NAV2: variants seen among roughly 807,000 people sequenced by gnomAD.
NAV2 encodes neuron navigator 2.
NAV2 carries 54 observed loss-of-function variants against 223.2 expected under a neutral mutation model. That is an observed-to-expected ratio of 0.24 (90% confidence interval 0.19 to 0.30). The LOEUF is 0.30. NAV2 is among the 10% of genes least tolerant of loss of function. The probability of loss-of-function intolerance (pLI) is 1.00; values close to 1 mark genes in which losing one functional copy is unlikely to be tolerated. For synonymous variants in NAV2, 1,279 were observed against 1,239.3 expected, an observed-to-expected ratio of 1.03 and a Z score of -0.67; for missense variants, 2,806 against 3,147.5, an observed-to-expected ratio of 0.89 and a Z score of 2.60.
chr11:20,065,078 G>A (rs1264585229), intron 20 of NAV2, among the ~76,000 whole-genome samples: 4 of 152,208 alleles, frequency 2.6e-5, no homozygotes, highest in African/African-American at 9.6e-5. Context: ...TGCTGGTGCT[G>A]TCTACTAATT....
At chr11:20,048,590 C>T (rs1443654413) in intron 14 of NAV2, 138 bp from the exon 15 acceptor site, 6 of 706,004 alleles carry the variant, frequency 8.5e-6, no homozygotes, top group South Asian at 1.8e-5. Flanking sequence ...CCTGAAGTAC[C>T]GTTAGCCATT....
chr11:19,815,968 G>A (rs1382955457), intron 1 of NAV2, among the ~76,000 whole-genome samples: 2 of 152,182 alleles, frequency 1.3e-5, no homozygotes, highest in South Asian at 4.1e-4. Flanking sequence ...TAGTATCTTT[G>A]TGCAAATTGT....
At chr11:19,630,990 C>T (rs1223687696) in intron 1 of NAV2, among the ~76,000 whole-genome samples, 4 of 143,542 alleles carry the variant, frequency 2.8e-5, no homozygotes, top group Admixed American at 6.9e-5. Context: ...TGGTAAAACA[C>T]CAGTTTAAAA....
At chr11:19,579,794 T>C (rs1298909123) in intron 1 of NAV2, among the ~76,000 whole-genome samples, 1 of 152,180 alleles carries the variant, frequency 6.6e-6, no homozygotes, top group Non-Finnish European at 1.5e-5. Flanking sequence ...GGAATTCTCA[T>C]GGGAATGATT....
chr11:19,421,212 C>T (rs1477594045), intron 1 of NAV2, among the ~76,000 whole-genome samples: 1 of 152,214 alleles, frequency 6.6e-6, no homozygotes, highest in East Asian at 1.9e-4. Context: ...GGAAGCCATG[C>T]TTCCCTGGGT....
At chr11:19,647,735 T>C (rs1009542823) in intron 1 of NAV2, among the ~76,000 whole-genome samples, 3 of 152,184 alleles carry the variant, frequency 2.0e-5, no homozygotes, top group African/African-American at 7.2e-5. Context: ...AGTCAAGGCT[T>C]CTGACCCACA....
intron 1 of NAV2, among the ~76,000 whole-genome samples, chr11:19,662,606 C>T (rs16937090): frequency 0.06 from 9,103 of 152,324 alleles, 449 homozygotes; most frequent in African/African-American, 0.13. Context: ...GACAGTGTGG[C>T]CCTCAGTTGT....
chr11:19,888,349 G>A (rs750673292), intron 5 of NAV2, among the ~76,000 whole-genome samples: 15 of 152,094 alleles, frequency 9.9e-5, no homozygotes, highest in South Asian at 2.1e-4. Context: ...GGCCCAGTAG[G>A]CAGCATCCGT....
intron 1 of NAV2, among the ~76,000 whole-genome samples, chr11:19,609,864 T>C (rs918630748): frequency 2.0e-5 from 3 of 152,242 alleles, no homozygotes; most frequent in Non-Finnish European, 4.4e-5. Context: ...AGACTGGACC[T>C]CTGTTTAAGT....
chr11:19,860,238 G>A (rs1488876097), intron 3 of NAV2, among the ~76,000 whole-genome samples: 3 of 147,344 alleles, frequency 2.0e-5, no homozygotes, highest in African/African-American at 7.6e-5. Flanking sequence ...CCCAGACGGG[G>A]TGGCTGCCGG....
chr11:19,901,704 T>A (rs571897216), intron 6 of NAV2, among the ~76,000 whole-genome samples: 1 of 152,344 alleles, frequency 6.6e-6, no homozygotes, highest in East Asian at 1.9e-4. Flanking sequence ...CATTTTGTCA[T>A]ATACATATTG....
In NAV2 at chr11:19,523,684, C is replaced by T. The variant is rs193041448; in HGVS notation, c.75+172657C>T. Among the ~76,000 whole-genome samples the T allele has an allele frequency of 9.6e-4, 146 of 152,344 alleles. No individual in the cohort carries two copies. The Middle Eastern group carries it at 0.014, about 14-fold the overall frequency. On this transcript the variant is annotated intron_variant, in intron 1 of 37. Transcript: ENST00000360655. ...CAAGGGCCCCCACATTGACTTAATG[C>T]CATCGTTTGCACATTGCAAGAGCTT...
chr11:19,881,910 G>A (rs1239267168), intron 5 of NAV2, among the ~76,000 whole-genome samples: 2 of 152,190 alleles, frequency 1.3e-5, no homozygotes, highest in Non-Finnish European at 2.9e-5. Context: ...AGTAGGGGAG[G>A]AGAGGGATCA....
At chr11:19,856,639 G>A (rs960180165) in intron 3 of NAV2, among the ~76,000 whole-genome samples, 2 of 152,186 alleles carry the variant, frequency 1.3e-5, no homozygotes, top group Admixed American at 6.5e-5. Context: ...ATTGCTGGCA[G>A]AATTTGAAAT....
intron 1 of NAV2, among the ~76,000 whole-genome samples, chr11:19,643,333 G>A (rs1449932133): frequency 9.1e-6 from 1 of 110,002 alleles, no homozygotes; most frequent in African/African-American, 3.9e-5. Context: ...CCCCACGACA[G>A]GCCCCAGTGT....
intron 6 of NAV2, among the ~76,000 whole-genome samples, chr11:19,905,959 C>G (rs1057421621): frequency 6.6e-6 from 1 of 152,164 alleles, no homozygotes; most frequent in African/African-American, 2.4e-5. Flanking sequence ...GTGCCTTACT[C>G]ACCCCTATCT....
intron 1 of NAV2, among the ~76,000 whole-genome samples, chr11:19,359,624 G>T (rs1357060176): frequency 6.6e-6 from 1 of 152,226 alleles, no homozygotes; most frequent in African/African-American, 2.4e-5. Flanking sequence ...TTCTGAAATA[G>T]AAACAAATGA....
chr11:19,989,990 A>G (rs2051167086), intron 11 of NAV2, among the ~76,000 whole-genome samples: 1 of 152,166 alleles, frequency 6.6e-6, no homozygotes, highest in South Asian at 2.1e-4. Context: ...ATGCCCAAAC[A>G]GCTGGAAAAG....
intron 6 of NAV2, among the ~76,000 whole-genome samples, chr11:19,927,904 C>A (rs1284520871): frequency 1.3e-5 from 2 of 152,154 alleles, no homozygotes. Context: ...AAAATTGTCA[C>A]AGCTACTATT....
Sources: gnomAD v4.1 joint callset for allele counts (sites outside exome capture counted in the v4.1 genomes callset) on GRCh38, gnomAD v4.1.1 for gene constraint, MANE v1.5 for transcripts, NCBI Gene and HGNC (gene_info 2026-07-23, HGNC 2026-07-21) for gene names.